Variants in KCNT1 observed in about 807,000 individuals in gnomAD.
The protein encoded by KCNT1 is potassium channel subfamily T member 1.
Under a neutral mutation model 147.8 loss-of-function variants are expected in KCNT1, and 78 were observed. The observed-to-expected ratio is 0.53, with a 90% CI of 0.44 to 0.64. The LOEUF is 0.64. Ranked by LOEUF, KCNT1 falls within the 30% of genes least tolerant of loss-of-function variation. The probability of loss-of-function intolerance (pLI) is 0.00; values close to 1 mark genes in which losing one functional copy is unlikely to be tolerated. For missense variants in KCNT1, 1,419 were observed against 1,750.3 expected, an observed-to-expected ratio of 0.81 and a Z score of 3.38; for synonymous variants, 867 against 748.8, an observed-to-expected ratio of 1.16 and a Z score of -2.58.
At chr9:135,741,508 G>T (rs1316515569) in intron 2 of KCNT1, among the ~76,000 whole-genome samples, 4 of 152,248 alleles carry the variant, frequency 2.6e-5, no homozygotes, top group Admixed American at 2.0e-4. Flanking sequence ...TCTGCCAGAA[G>T]CTCCCAGCAA....
chr9:135,734,209 C>T (rs1830240730), intron 2 of KCNT1, among the ~76,000 whole-genome samples: 1 of 152,184 alleles, frequency 6.6e-6, no homozygotes, highest in South Asian at 2.1e-4. Context: ...TCGAGCCTCT[C>T]CAGGCTCCAT....
rs900259314 is a variant in KCNT1 at position 135,783,896 on chromosome 9, T to C, written c.2842-128T>C. Reference sequence around the variant, plus strand: ...TGTGTACACGTGGACACACACACCATGCACAAATGTGCACACAGGTATCAT... The same window carrying C: ...TGTGTACACGTGGACACACACACCACGCACAAATGTGCACACAGGTATCAT... On this transcript the variant is annotated intron_variant, in intron 24 of 30. Transcript: ENST00000371757. 8 of 697,584 alleles carry C rather than the reference T, an allele frequency of 1.1e-5. No homozygotes were observed. In the African/African-American group the frequency reaches 1.2e-4, roughly 11 times the overall value. 43.2% of individuals were successfully genotyped at this position (697,584 alleles called of 1,614,324 possible).
In KCNT1 at chr9:135,774,229, T is replaced by TGTGTGTGGTGTGTGTCC. The variant is rs1166033246; in HGVS notation, c.2244-1065_2244-1049dup. ...TGTGTGGTATGTGGTGTCTGTGTGT[T>TGTGTGTGGTGTGTGTCC]GTGTGTGGTGTGTGTCCGTGTGTGG... On this transcript the variant is annotated intron_variant, in intron 19 of 30. Transcript: ENST00000371757. Among the ~76,000 whole-genome samples the TGTGTGTGGTGTGTGTCC allele has an allele frequency of 4.7e-5, 7 of 149,464 alleles. No homozygotes were observed. In the East Asian group the frequency reaches 8.0e-4, roughly 17 times the overall value.
chr9:135,771,178 G>A, intron 18 of KCNT1, 83 bp downstream of exon 18: 1 of 1,290,376 alleles, frequency 7.7e-7, no homozygotes, highest in Non-Finnish European at 1.1e-6. Context: ...GTGACCAGGT[G>A]GGATGGGAGA....
In KCNT1 at chr9:135,714,285, C is replaced by T. The variant is rs1195243600; in HGVS notation, c.111-292C>T. On this transcript the variant is annotated intron_variant, in intron 1 of 30. Transcript: ENST00000371757. The surrounding 1 kb of genome is among the most constrained non-coding windows in gnomAD (Gnocchi z 6.2). ...TGGTGCGCGCCTGTCCCTGAGCTGG[C>T]CATGACAGCTCCCGTCCCCCTTACC... Among the ~76,000 whole-genome samples, 2 of 151,754 alleles carry T rather than the reference C, an allele frequency of 1.3e-5. No individual in the cohort carries two copies. The highest frequency in any genetic ancestry group is 2.9e-5 in the Non-Finnish European group (2 of 67,800).
intron 19 of KCNT1, among the ~76,000 whole-genome samples, 190 bp from the exon 20 acceptor site, chr9:135,775,120 G>T (rs941936303): frequency 6.6e-6 from 1 of 152,220 alleles, no homozygotes; most frequent in Non-Finnish European, 1.5e-5. Context: ...AGGCTCAGCT[G>T]GAGGAGCGTT....
chr9:135,772,235 A>G (rs746064857), intron 18 of KCNT1, among the ~76,000 whole-genome samples: 3 of 152,016 alleles, frequency 2.0e-5, no homozygotes, highest in Non-Finnish European at 2.9e-5. Context: ...CACTGTACCC[A>G]CAGAGGCCCT....
chr9:135,734,770 G>A (rs552352172), intron 2 of KCNT1, among the ~76,000 whole-genome samples: 4 of 152,224 alleles, frequency 2.6e-5, no homozygotes, highest in Non-Finnish European at 4.4e-5. Flanking sequence ...CTGTGGGTTC[G>A]TTCCCAGGGA....
chr9:135,759,131 G>A (rs1831724199), intron 10 of KCNT1, among the ~76,000 whole-genome samples: 1 of 152,228 alleles, frequency 6.6e-6, no homozygotes, highest in South Asian at 2.1e-4. Flanking sequence ...GCAGATTGGG[G>A]CATCCATGAG....
At chr9:135,760,098 G>A (rs1157508976) in intron 11 of KCNT1, among the ~76,000 whole-genome samples, 2 of 152,152 alleles carry the variant, frequency 1.3e-5, no homozygotes, top group African/African-American at 4.8e-5. Context: ...TCTTCCTTCT[G>A]GGGAGATGGT....
Position 135,752,636 on chromosome 9 carries a change from TGGACGGAC to T in KCNT1, c.435-1293_435-1286del, listed in dbSNP as rs904907114. Reference sequence around the variant, plus strand: ...GGATGGATGGTGGATGATGGATGGATGGACGGACGGACGGATGGACGGATGGATGGAGT... The same window carrying T: ...GGATGGATGGTGGATGATGGATGGATGGACGGATGGACGGATGGATGGAGT... On this transcript the variant is annotated intron_variant, in intron 4 of 30. Coordinates refer to ENST00000371757, the MANE Select transcript of KCNT1 (RefSeq NM_020822.3). This position sits in a 1 kb window ranked among gnomAD's most constrained non-coding sequence, Gnocchi z 5.1. 6.6e-5 allele frequency among the ~76,000 whole-genome samples: 10 copies of T among 151,120 alleles called. No homozygotes were observed. Among genetic ancestry groups the T allele is most frequent in the African/African-American group, 1.9e-4 (8 of 41,046 alleles).
chr9:135,744,150 G>A (rs1830694263), intron 2 of KCNT1, among the ~76,000 whole-genome samples: 1 of 152,268 alleles, frequency 6.6e-6, no homozygotes, highest in South Asian at 2.1e-4. Context: ...TGACAGCCTG[G>A]AGCTGGTGTG....
intron 1 of KCNT1, among the ~76,000 whole-genome samples, chr9:135,702,617 G>T (rs948434697): frequency 4.6e-5 from 7 of 152,150 alleles, no homozygotes; most frequent in African/African-American, 1.7e-4. Flanking sequence ...TAAGAAGCTG[G>T]GGGGAGCGGC....
chr9:135,760,834 T>G (rs1831866568), intron 11 of KCNT1, among the ~76,000 whole-genome samples: 2 of 152,212 alleles, frequency 1.3e-5, no homozygotes, highest in Admixed American at 6.5e-5. Context: ...TGTCGGCCAC[T>G]CCACCGTCCA....
chr9:135,764,937 TAACA>T (rs1832153270), intron 11 of KCNT1, 90 bp from the exon 12 acceptor site: 4 of 1,423,588 alleles, frequency 2.8e-6, no homozygotes, highest in East Asian at 5.0e-5. Context: ...CCCAGGCCCC[TAACA>T]GACAGTCGTG....
intron 7 of KCNT1, 86 bp downstream of exon 7, chr9:135,757,018 CTATTTCCCCACACTTCCCAGCCT>C (rs1831536211): frequency 1.7e-6 from 2 of 1,147,218 alleles, no homozygotes; most frequent in African/African-American, 1.6e-5. Flanking sequence ...CCACCCTCTC[CTATTTCCCCACACTTCCCAGCCT>C]CATCCACTGA....
chr9:135,752,597 ATGGATGGATGGT>A lies in KCNT1; in HGVS notation c.435-1327_435-1316del, dbSNP rs1831239447. On this transcript the variant is annotated intron_variant, in intron 4 of 30. Coordinates refer to ENST00000371757, the MANE Select transcript of KCNT1 (RefSeq NM_020822.3). This position sits in a 1 kb window ranked among gnomAD's most constrained non-coding sequence, Gnocchi z 5.1. ...ATGGGGGTGGGAAGATGGGTGGATG[ATGGATGGATGGT>A]TGGATGGATGGTGGATGATGGATGG... 1.7e-5 allele frequency: 6 copies of A among 352,344 alleles called. No homozygotes were observed. The highest frequency in any genetic ancestry group is 1.3e-4 in the African/African-American group (6 of 46,496). The allele number at this position is 352,344 out of a possible 1,614,324, so 21.8% of individuals were successfully genotyped here.
rs1176491905 is a variant in KCNT1, at chr9:135,793,870, T to G, written c.*1709T>G. ...GGCAGGGATTGATGTTGGGCTAGGG[T>G]GGCCAGAGCCTGTCCCAGCAGGGCT... On this transcript the variant is annotated 3_prime_UTR_variant, in exon 31 of 31. Transcript: ENST00000371757. 1 of 152,280 alleles carries G rather than the reference T, an allele frequency of 6.6e-6. No individual in the cohort carries two copies. The highest frequency in any genetic ancestry group is 2.4e-5 in the African/African-American group (1 of 41,422). The allele number at this position is 152,280 out of a possible 1,614,324, so 9.4% of individuals were successfully genotyped here.
intron 6 of KCNT1, among the ~76,000 whole-genome samples, chr9:135,756,222 C>T (rs1831472135): frequency 6.6e-6 from 1 of 152,128 alleles, no homozygotes; most frequent in South Asian, 2.1e-4. Flanking sequence ...TGAGGACCGA[C>T]CCAGGCTCTA....
Sources: gnomAD v4.1 joint callset for allele counts (sites outside exome capture counted in the v4.1 genomes callset) on GRCh38, gnomAD v4.1.1 for gene constraint, Gnocchi (gnomAD v3.1) non-coding constraint, MANE v1.5 for transcripts, NCBI Gene and HGNC (gene_info 2026-07-23, HGNC 2026-07-21) for gene names.